Variants in FER1L6 observed in about 807,000 individuals in gnomAD.
FER1L6 encodes the protein fer-1 like family member 6.
In FER1L6, 177 loss-of-function variants were observed where a neutral mutation model predicts 219.2. That is an observed-to-expected ratio of 0.81 (90% CI 0.71 to 0.91). The LOEUF (loss-of-function observed/expected upper bound fraction) is 0.91. Ranked by LOEUF, FER1L6 falls within the 40% of genes least tolerant of loss-of-function variation. The probability of loss-of-function intolerance (pLI) is 0.00; values close to 1 mark genes in which losing one functional copy is unlikely to be tolerated. For synonymous variants in FER1L6, 768 were observed against 824.3 expected (o/e 0.93, Z 1.17); for missense variants, 2,153 against 2,259.9 (o/e 0.95, Z 0.96).
intron 1 of FER1L6, among the ~76,000 whole-genome samples, chr8:123,938,680 G>T (rs1202425041): frequency 1.3e-5 from 2 of 151,748 alleles, no homozygotes; most frequent in Non-Finnish European, 2.9e-5. Flanking sequence ...CTGAGTAGCT[G>T]GGACTACAGG....
intron 1 of FER1L6, among the ~76,000 whole-genome samples, chr8:123,866,274 T>A (rs1283385959): frequency 1.3e-5 from 2 of 151,892 alleles, no homozygotes; most frequent in Non-Finnish European, 2.9e-5. Flanking sequence ...CATTTCCTTA[T>A]TTTTTTAAGG....
intron 1 of FER1L6, among the ~76,000 whole-genome samples, chr8:123,931,412 T>G (rs16899094): frequency 0.047 from 7,161 of 152,294 alleles, 464 homozygotes; most frequent in African/African-American, 0.13. Context: ...TCTGGACCTC[T>G]CTTGGTTCCA....
intron 10 of FER1L6, among the ~76,000 whole-genome samples, chr8:123,978,666 A>C (rs905459824): frequency 1.4e-4 from 21 of 152,318 alleles, no homozygotes; most frequent in Non-Finnish European, 1.3e-4. Flanking sequence ...TGTATGTACA[A>C]ATATATACAT....
chr8:124,060,285 G>A lies in FER1L6; in HGVS notation c.2980G>A (p.Val994Met). 2 of 1,614,080 alleles carry A rather than the reference G, an allele frequency of 1.2e-6. No individual in the cohort carries two copies. The highest frequency in any genetic ancestry group is 1.7e-6 in the Non-Finnish European group (2 of 1,179,926). ...NIRPVLSKYRVEVLFWGVREM... is the reference protein window; with the variant it reads ...NIRPVLSKYRMEVLFWGVREM... Reference sequence around the variant, plus strand: ...TCGGCCGGTGCTGAGCAAATACCGAGTGGAGGTACGGGTCAGCGGAGGAGC... The same window carrying A: ...TCGGCCGGTGCTGAGCAAATACCGAATGGAGGTACGGGTCAGCGGAGGAGC... Residue 994 changes from valine (V) to methionine (M), a missense_variant, in exon 23 of 41, where the codon GTG becomes ATG. By Grantham distance (21) the Val-to-Met change is conservative (BLOSUM62 1). Transcript: ENST00000522917.
intron 33 of FER1L6, among the ~76,000 whole-genome samples, chr8:124,086,809 G>C (rs1043434777): frequency 1.3e-5 from 2 of 152,072 alleles, no homozygotes; most frequent in Non-Finnish European, 2.9e-5. Flanking sequence ...GTTTGTCTGG[G>C]AAAGTCTTTA....
intron 1 of FER1L6, among the ~76,000 whole-genome samples, chr8:123,889,790 G>A (rs1812607387): frequency 6.6e-6 from 1 of 151,998 alleles, no homozygotes; most frequent in Non-Finnish European, 1.5e-5. Context: ...TGTAATGAAA[G>A]TTATAAATAT....
intron 39 of FER1L6, among the ~76,000 whole-genome samples, chr8:124,105,794 T>A (rs1822746267): frequency 6.6e-6 from 1 of 152,110 alleles, no homozygotes; most frequent in Non-Finnish European, 1.5e-5. Context: ...ATGTAGTATA[T>A]CCATACAGTG....
rs771678067 is a variant in FER1L6 at position 123,977,591 on chromosome 8, G to A, written c.1045G>A (p.Glu349Lys). The A allele has an allele frequency of 1.4e-5, 23 of 1,613,818 alleles. No individual in the cohort carries two copies. Among genetic ancestry groups the A allele is most frequent in the Middle Eastern group, 1.6e-4 (1 of 6,084 alleles). The stretch of plus-strand genomic sequence containing the variant: ...CATTGACCTGAAGAAAATCTCCAAC[G>A]AACAGGATGGAGACAAAGGTAAAGT... ...HFIDLKKISNEQDGDKGFLPT... is the reference protein window; with the variant it reads ...HFIDLKKISNKQDGDKGFLPT... The change falls in exon 10 of 41, where the codon GAA (glutamate) becomes AAA (lysine). Residue 349 changes from glutamate to lysine, a missense_variant. Transcript: ENST00000522917.
chr8:123,902,984 G>A (rs762380432), intron 1 of FER1L6, among the ~76,000 whole-genome samples: 15 of 152,160 alleles, frequency 9.9e-5, no homozygotes, highest in East Asian at 1.9e-4. Flanking sequence ...AGCAGTCCTC[G>A]TGGTTGTTTG....
At chr8:124,094,580 G>T (rs1245192268) in intron 34 of FER1L6, among the ~76,000 whole-genome samples, 1 of 152,082 alleles carries the variant, frequency 6.6e-6, no homozygotes, top group Admixed American at 6.6e-5. Context: ...CTGCCTCCCA[G>T]GTTCAAGCGA....
At chr8:123,910,468 A>G (rs1813031919) in intron 1 of FER1L6, among the ~76,000 whole-genome samples, 1 of 152,200 alleles carries the variant, frequency 6.6e-6, no homozygotes, top group South Asian at 2.1e-4. Flanking sequence ...ACCATCTTTC[A>G]GTCCCATCCT....
In FER1L6 at chr8:123,853,393, G is replaced by A. The variant is rs769743112; in HGVS notation, c.-8+1208G>A. 1.6e-4 allele frequency among the ~76,000 whole-genome samples: 24 copies of A among 152,190 alleles called. No individual in the cohort carries two copies. The highest frequency in any genetic ancestry group is 6.5e-4 in the Admixed American group (10 of 15,276). On this transcript the variant is annotated intron_variant, in intron 1 of 40. Coordinates refer to ENST00000522917, the MANE Select transcript of FER1L6 (RefSeq NM_001039112.2). The surrounding 1 kb of genome is among the most constrained non-coding windows in gnomAD (Gnocchi z 6.6). ...TGGTCTCAAACTTCTGACCTCAAAC[G>A]ATCCACCCACCTCAGCCTCCCAAAG... is the stretch of plus-strand genomic sequence containing the variant.
intron 22 of FER1L6, among the ~76,000 whole-genome samples, chr8:124,051,345 C>A (rs971291374): frequency 3.3e-5 from 5 of 152,014 alleles, no homozygotes; most frequent in Non-Finnish European, 7.4e-5. Context: ...AAAGTACCAC[C>A]AGGCACCTCC....
chr8:123,886,058 C>T lies in FER1L6; in HGVS notation c.-8+33873C>T, dbSNP rs575582127. On this transcript the variant is annotated intron_variant, in intron 1 of 40. Coordinates refer to ENST00000522917, the MANE Select transcript of FER1L6 (RefSeq NM_001039112.2). ...TTGCCATTTGCCTTGAGACTGCGTT[C>T]GGAGTACTTCCTTTGTGCACCTAAC... Among the ~76,000 whole-genome samples the T allele has an allele frequency of 1.1e-4, 16 of 152,314 alleles. No individual in the cohort carries two copies. In the South Asian group the frequency reaches 1.7e-3, roughly 16 times the overall value.
intron 1 of FER1L6, among the ~76,000 whole-genome samples, chr8:123,927,719 T>C (rs1001064148): frequency 2.0e-5 from 3 of 152,242 alleles, no homozygotes; most frequent in African/African-American, 7.2e-5. Flanking sequence ...TCACATTATG[T>C]AAGACAGAAT....
chr8:124,094,815 T>A, intron 34 of FER1L6, 81 bp from the exon 35 acceptor site: 1 of 1,442,072 alleles, frequency 6.9e-7, no homozygotes, highest in South Asian at 1.1e-5. Context: ...AGCCTGTAAG[T>A]GTTTAAAAAT....
At chr8:123,860,042 C>T (rs1223596543) in intron 1 of FER1L6, among the ~76,000 whole-genome samples, 3 of 143,984 alleles carry the variant, frequency 2.1e-5, no homozygotes, top group Non-Finnish European at 4.5e-5. Flanking sequence ...AGGTTAGTTA[C>T]ATATGTATAC....
intron 3 of FER1L6, among the ~76,000 whole-genome samples, chr8:123,965,653 C>T (rs1454900815): frequency 6.6e-6 from 1 of 152,224 alleles, no homozygotes. Context: ...AGCTCTGCCA[C>T]TGATTTGCTG....
chr8:123,874,681 A>C (rs1443620453), intron 1 of FER1L6, among the ~76,000 whole-genome samples: 1 of 152,172 alleles, frequency 6.6e-6, no homozygotes, highest in Non-Finnish European at 1.5e-5. Context: ...TATCTAAGTC[A>C]ATCCCCTCTG....
Sources: gnomAD v4.1 joint callset for allele counts (sites outside exome capture counted in the v4.1 genomes callset) on GRCh38, gnomAD v4.1.1 for gene constraint, Gnocchi (gnomAD v3.1) non-coding constraint, MANE v1.5 for transcripts, NCBI Gene and HGNC (gene_info 2026-07-23, HGNC 2026-07-21) for gene names.